Variants in LRRC4C observed in about 807,000 individuals in gnomAD.
The protein encoded by LRRC4C is leucine rich repeat containing 4C, also known as leucine-rich repeat-containing protein 4C.
LRRC4C carries 5 observed loss-of-function variants against 33.6 expected under a neutral mutation model. The ratio of observed to expected loss-of-function variants is 0.15; its 90% CI spans 0.08 to 0.31. The LOEUF is 0.31. LRRC4C is among the 10% of genes least tolerant of loss of function. The pLI is 1.00. For missense variants in LRRC4C, 560 were observed against 796.7 expected (o/e 0.70, Z 3.58); for synonymous variants, 329 against 302.0 (o/e 1.09, Z -0.93).
At chr11:41,301,081 C>T (rs1950274404) in intron 1 of LRRC4C, among the ~76,000 whole-genome samples, 1 of 152,134 alleles carries the variant, frequency 6.6e-6, no homozygotes, top group Non-Finnish European at 1.5e-5. Flanking sequence ...AGTGGAACCA[C>T]TGAATTAGCT....
chr11:40,167,155 G>A (rs1859662265), intron 5 of LRRC4C, among the ~76,000 whole-genome samples: 1 of 152,148 alleles, frequency 6.6e-6, no homozygotes, highest in Non-Finnish European at 1.5e-5. Context: ...TTTCCACACT[G>A]TGTAGCCTAG....
intron 3 of LRRC4C, among the ~76,000 whole-genome samples, chr11:40,385,187 G>A (rs11035817): frequency 0.011 from 1,725 of 152,182 alleles, 35 homozygotes; most frequent in African/African-American, 0.04. Context: ...TGTTCTTGCT[G>A]TTTCATGGTG....
intron 5 of LRRC4C, among the ~76,000 whole-genome samples, chr11:40,173,625 T>C (rs1033437172): frequency 1.3e-5 from 2 of 152,214 alleles, no homozygotes; most frequent in African/African-American, 2.4e-5. Flanking sequence ...TAAAGGTCTA[T>C]ACATTATTAT....
At chr11:41,333,522 C>A (rs1408458395) in intron 1 of LRRC4C, among the ~76,000 whole-genome samples, 1 of 152,122 alleles carries the variant, frequency 6.6e-6, no homozygotes, top group African/African-American at 2.4e-5. Flanking sequence ...ATGTGACCAG[C>A]AATAATAGAC....
intron 2 of LRRC4C, among the ~76,000 whole-genome samples, chr11:40,781,627 T>C (rs1313101563): frequency 6.6e-6 from 1 of 152,204 alleles, no homozygotes. Flanking sequence ...GATTTGACTT[T>C]TAAGCATAGC....
intron 4 of LRRC4C, among the ~76,000 whole-genome samples, chr11:40,252,045 T>C (rs919546915): frequency 2.0e-5 from 3 of 152,190 alleles, no homozygotes; most frequent in Admixed American, 2.0e-4. Flanking sequence ...TCCTATTTCA[T>C]GGAATCAGAT....
intron 3 of LRRC4C, among the ~76,000 whole-genome samples, chr11:40,463,333 T>C (rs1419630408): frequency 6.6e-6 from 1 of 151,052 alleles, no homozygotes; most frequent in African/African-American, 2.4e-5. Context: ...TGTGTGTGTG[T>C]GTGTGTGTGT....
At chr11:40,219,800 G>A (rs1264073607) in intron 5 of LRRC4C, among the ~76,000 whole-genome samples, 1 of 152,124 alleles carries the variant, frequency 6.6e-6, no homozygotes, top group African/African-American at 2.4e-5. Flanking sequence ...TGAATACTAA[G>A]TCCAGAGTTG....
intron 3 of LRRC4C, among the ~76,000 whole-genome samples, chr11:40,604,934 A>T (rs567811496): frequency 6.6e-6 from 1 of 152,290 alleles, no homozygotes; most frequent in South Asian, 2.1e-4. Flanking sequence ...TTAACTCTAT[A>T]TTCCATTTCT....
intron 3 of LRRC4C, among the ~76,000 whole-genome samples, chr11:40,608,110 T>C (rs1055017629): frequency 6.6e-6 from 1 of 152,026 alleles, no homozygotes; most frequent in African/African-American, 2.4e-5. Context: ...AGAATACTAA[T>C]ACTGCAATGA....
At chr11:40,663,375 C>G (rs2136222611) in intron 2 of LRRC4C, among the ~76,000 whole-genome samples, 1 of 152,292 alleles carries the variant, frequency 6.6e-6, no homozygotes, top group Non-Finnish European at 1.5e-5. Context: ...GCCACCGCAC[C>G]CAGCCAATTT....
intron 3 of LRRC4C, among the ~76,000 whole-genome samples, chr11:40,372,749 ATGTT>A (rs1426344490): frequency 6.6e-6 from 1 of 152,134 alleles, no homozygotes; most frequent in African/African-American, 2.4e-5. Flanking sequence ...AGTGAACTGA[ATGTT>A]TGGTGATCAG....
chr11:41,250,701 C>T (rs1948610965), intron 1 of LRRC4C, among the ~76,000 whole-genome samples: 1 of 152,162 alleles, frequency 6.6e-6, no homozygotes. Context: ...CTCCCAATAA[C>T]ATTTCTCCAT....
Position 40,193,562 on chromosome 11 carries a change from C to CG in LRRC4C, c.-96+47956dup, listed in dbSNP as rs572018461. ...ATGCCTCTTCTCCTCCAAAGGATCACGACTCCTCGCCAGCAAGGGAACAAA... is the reference window on the plus strand; with the variant it reads ...ATGCCTCTTCTCCTCCAAAGGATCACGGACTCCTCGCCAGCAAGGGAACAAA... On this transcript the variant is annotated intron_variant, in intron 5 of 6. Transcript: ENST00000528697. Among the ~76,000 whole-genome samples the CG allele has an allele frequency of 4.6e-3, 703 of 152,256 alleles. 5 individuals carry two copies. The highest frequency in any genetic ancestry group is 0.016 in the African/African-American group (681 of 41,552).
chr11:41,158,923 A>G (rs1234336287), intron 1 of LRRC4C, among the ~76,000 whole-genome samples: 1 of 152,168 alleles, frequency 6.6e-6, no homozygotes, highest in Non-Finnish European at 1.5e-5. Context: ...CCCATAAGAC[A>G]GGAACTGGAC....
intron 3 of LRRC4C, among the ~76,000 whole-genome samples, chr11:40,344,265 A>G (rs1179871145): frequency 6.6e-6 from 1 of 152,166 alleles, no homozygotes; most frequent in South Asian, 2.1e-4. Flanking sequence ...AGACACTAGA[A>G]AACCAAACCC....
At chr11:41,178,175 G>C (rs1438150585) in intron 1 of LRRC4C, among the ~76,000 whole-genome samples, 2 of 152,130 alleles carry the variant, frequency 1.3e-5, no homozygotes, top group Admixed American at 1.3e-4. Context: ...TGCTTTTACT[G>C]CTTACTCCAA....
chr11:40,919,029 C>A (rs1480472117), intron 2 of LRRC4C, among the ~76,000 whole-genome samples: 1 of 152,108 alleles, frequency 6.6e-6, no homozygotes, highest in African/African-American at 2.4e-5. Flanking sequence ...TAATTTGCTG[C>A]ATTTGCTTTA....
intron 1 of LRRC4C, among the ~76,000 whole-genome samples, chr11:41,157,235 T>C (rs1167021558): frequency 1.3e-5 from 2 of 152,080 alleles, no homozygotes; most frequent in Non-Finnish European, 2.9e-5. Context: ...CAGGGGAAGA[T>C]AAGAAACAAA....
Sources: gnomAD v4.1 joint callset for allele counts (sites outside exome capture counted in the v4.1 genomes callset) on GRCh38, gnomAD v4.1.1 for gene constraint, MANE v1.5 for transcripts, NCBI Gene and HGNC (gene_info 2026-07-23, HGNC 2026-07-21) for gene names.